DHDDS: variants seen among roughly 807,000 people sequenced by gnomAD.
The protein encoded by DHDDS is dehydrodolichyl diphosphate synthase subunit.
DHDDS carries 16 observed loss-of-function variants against 46.2 expected under a neutral mutation model. The ratio of observed to expected loss-of-function variants is 0.35; its 90% CI spans 0.23 to 0.53. DHDDS has a LOEUF of 0.53. Ranked by LOEUF, DHDDS falls within the 20% of genes least tolerant of loss-of-function variation. DHDDS has a pLI of 0.94. For missense variants in DHDDS, 340 were observed against 423.7 expected, an observed-to-expected ratio of 0.80 and a Z score of 1.73; for synonymous variants, 151 against 163.1, an observed-to-expected ratio of 0.93 and a Z score of 0.56.
At chr1:26,468,487 T>G (rs1414487850) in intron 8 of DHDDS, among the ~76,000 whole-genome samples, 1 of 152,148 alleles carries the variant, frequency 6.6e-6, no homozygotes, top group Non-Finnish European at 1.5e-5. Flanking sequence ...GCATATGTTA[T>G]CTCTAATCCT....
intron 6 of DHDDS, among the ~76,000 whole-genome samples, chr1:26,449,597 T>C (rs2075301161): frequency 6.6e-6 from 1 of 151,968 alleles, no homozygotes; most frequent in Admixed American, 6.6e-5. Flanking sequence ...GTCTCACTCT[T>C]GCCCAGGCTG....
rs2075529207 is a variant in DHDDS at position 26,469,357 on chromosome 1, C to T, written c.*226C>T. On this transcript the variant is annotated 3_prime_UTR_variant, in exon 9 of 9. Coordinates refer to ENST00000236342, the MANE Select transcript of DHDDS (RefSeq NM_205861.3). ...GAAAGTCTCCCACGAGTACACTAAA[C>T]CTAGGTCTGGTCACCAATAGGGTTT... 2 of 743,918 alleles carry T rather than the reference C, an allele frequency of 2.7e-6. No individual in the cohort carries two copies. Among genetic ancestry groups the T allele is most frequent in the East Asian group, 2.7e-5 (1 of 36,490 alleles). 46.1% of individuals were successfully genotyped at this position (743,918 alleles called of 1,614,324 possible).
chr1:26,447,755 G>T, intron 6 of DHDDS, 95 bp downstream of exon 6: 1 of 1,107,344 alleles, frequency 9.0e-7, no homozygotes, highest in East Asian at 2.5e-5. Flanking sequence ...TTAGGAGGCC[G>T]AGGTGGGCAG....
intron 3 of DHDDS, 35 bp downstream of exon 3, chr1:26,438,319 C>T (rs773755088): frequency 6.3e-7 from 1 of 1,580,786 alleles, no homozygotes; most frequent in Admixed American, 1.7e-5. Flanking sequence ...AGTGAACAGT[C>T]TGTGGAGAGG....
intron 6 of DHDDS, among the ~76,000 whole-genome samples, chr1:26,455,925 T>G (rs1270053199): frequency 6.6e-6 from 1 of 152,222 alleles, no homozygotes; most frequent in Admixed American, 6.5e-5. Flanking sequence ...CTGGACATTC[T>G]GAATTCTGCT....
chr1:26,468,402 C>T (rs928544776), intron 8 of DHDDS, among the ~76,000 whole-genome samples: 2 of 152,082 alleles, frequency 1.3e-5, no homozygotes, highest in Non-Finnish European at 2.9e-5. Flanking sequence ...TTTCTTGCAG[C>T]GGAGAATAGA....
chr1:26,438,112 T>C, intron 2 of DHDDS, 56 bp from the exon 3 acceptor site: 2 of 1,582,072 alleles, frequency 1.3e-6, no homozygotes, highest in East Asian at 2.2e-5. Flanking sequence ...TGTAGTGTCT[T>C]CCTTTATCCC....
rs753960562 is a variant in DHDDS, at chr1:26,447,597, A to G, written c.479A>G (p.His160Arg). Reference sequence around the variant, plus strand: ...GTCTGTTTTGCATACACATCCCGTCATGAGATCAGCAATGCTGTGAGAGAG... The same window carrying G: ...GTCTGTTTTGCATACACATCCCGTCGTGAGATCAGCAATGCTGTGAGAGAG... ...LNVCFAYTSRHEISNAVREMA... is the reference protein window; with the variant it reads ...LNVCFAYTSRREISNAVREMA... Residue 160 changes from histidine (H) to arginine (R), a missense_variant, in exon 6 of 9, where the codon CAT becomes CGT. Physicochemically the swap from His to Arg is conservative, Grantham distance 29 (BLOSUM62 0). Around this residue, in one of 2 missense-constraint regions of DHDDS, gnomAD observed 268 missense variants for 300.3 expected, o/e 0.89. Coordinates refer to ENST00000236342, the MANE Select transcript of DHDDS (RefSeq NM_205861.3). 2 of 1,614,180 alleles carry G rather than the reference A, an allele frequency of 1.2e-6. No individual in the cohort carries two copies. Among genetic ancestry groups the G allele is most frequent in the Non-Finnish European group, 1.7e-6 (2 of 1,180,030 alleles).
intron 8 of DHDDS, among the ~76,000 whole-genome samples, chr1:26,468,355 G>A (rs957039367): frequency 6.6e-6 from 1 of 152,150 alleles, no homozygotes; most frequent in Admixed American, 6.5e-5. Context: ...ATCAAAGGAA[G>A]TGACCCAAGG....
intron 8 of DHDDS, chr1:26,467,463 A>G (rs2075503566): frequency 2.5e-6 from 1 of 400,732 alleles, no homozygotes; most frequent in Non-Finnish European, 5.4e-6. Flanking sequence ...CGGGGGGGAC[A>G]GTCCAGAATT....
chr1:26,459,734 C>T (rs967194246), intron 7 of DHDDS, among the ~76,000 whole-genome samples: 1 of 152,194 alleles, frequency 6.6e-6, no homozygotes, highest in Non-Finnish European at 1.5e-5. Flanking sequence ...ATAACATAAT[C>T]CAGATGTTAT....
At position 26,447,261 on chromosome 1, in the gene DHDDS, A is replaced by G. The variant is rs371819521; in HGVS notation, c.441-298A>G. ...CTTGAACCCAGGAGGCAGAGGTTGC[A>G]GTGAGTCGAGATCACGCCATTGCAC... On this transcript the variant is annotated intron_variant, in intron 5 of 8. Transcript: ENST00000236342. 9.5e-4 allele frequency among the ~76,000 whole-genome samples: 145 copies of G among 152,282 alleles called. 1 individual carries two copies. Among genetic ancestry groups the G allele is most frequent in the Middle Eastern group, 3.4e-3 (1 of 290 alleles).
intron 7 of DHDDS, among the ~76,000 whole-genome samples, chr1:26,458,758 AAAAG>A (rs943696793): frequency 9.4e-5 from 14 of 148,172 alleles, no homozygotes; most frequent in African/African-American, 3.0e-4. Context: ...AAAAAAAAAG[AAAAG>A]AAATAAGTAC....
At chr1:26,445,349 C>G (rs1315525957) in intron 4 of DHDDS, among the ~76,000 whole-genome samples, 1 of 152,178 alleles carries the variant, frequency 6.6e-6, no homozygotes, top group African/African-American at 2.4e-5. Context: ...TCAAATGGGA[C>G]AAACTTCACA....
intron 3 of DHDDS, among the ~76,000 whole-genome samples, chr1:26,439,559 T>A (rs2075197219): frequency 6.6e-6 from 1 of 151,950 alleles, no homozygotes; most frequent in Non-Finnish European, 1.5e-5. Flanking sequence ...TCCAACCTGG[T>A]GACAGAGCAA....
chr1:26,436,081 A>G (rs1183703048), intron 2 of DHDDS, among the ~76,000 whole-genome samples: 2 of 151,704 alleles, frequency 1.3e-5, no homozygotes, highest in Non-Finnish European at 2.9e-5. Flanking sequence ...GGAAGGTACC[A>G]TCTTCATTTG....
intron 8 of DHDDS, chr1:26,466,467 A>G (rs1234059441): frequency 6.6e-6 from 1 of 152,242 alleles, no homozygotes; most frequent in East Asian, 1.9e-4. Flanking sequence ...TCAAGAAGTT[A>G]TCTTAGTGGA....
intron 6 of DHDDS, among the ~76,000 whole-genome samples, chr1:26,451,007 A>G (rs943228133): frequency 9.9e-5 from 15 of 152,206 alleles, no homozygotes; most frequent in African/African-American, 3.6e-4. Flanking sequence ...CTAGTCCAGC[A>G]TGCTTTACCC....
intron 6 of DHDDS, among the ~76,000 whole-genome samples, chr1:26,449,245 C>T (rs1025363047): frequency 6.6e-6 from 1 of 151,492 alleles, no homozygotes; most frequent in African/African-American, 2.4e-5. Context: ...ATTACAGGCG[C>T]CCACCACCGT....
Sources: allele counts gnomAD v4.1 joint callset (sites outside exome capture counted in the v4.1 genomes callset), GRCh38; gene constraint gnomAD v4.1.1; regional missense constraint gnomAD v4.1.1; transcripts MANE v1.5; gene names NCBI Gene and HGNC (gene_info 2026-07-23, HGNC 2026-07-21).